The following CPLANE1 variants were observed in gnomAD, a reference collection of about 807,000 sequenced individuals.
CPLANE1 encodes ciliogenesis and planar polarity effector complex subunit 1, also known as ciliogenesis and planar polarity effector 1.
A neutral mutation model predicts 362.5 loss-of-function variants in CPLANE1; 263 were observed. The observed-to-expected ratio is 0.73, with a 90% CI of 0.66 to 0.80. The LOEUF (loss-of-function observed/expected upper bound fraction) is 0.80, where lower values mean the gene tolerates loss of function less well. Ranked by LOEUF, CPLANE1 falls within the 30% of genes least tolerant of loss-of-function variation. The probability of loss-of-function intolerance (pLI) is 0.00; values close to 1 mark genes in which losing one functional copy is unlikely to be tolerated. For synonymous variants in CPLANE1, 1,212 were observed against 1,302.6 expected (o/e 0.93, Z 1.50); for missense variants, 3,461 against 3,793.4 (o/e 0.91, Z 2.30).
the CPLANE1 span, among the ~76,000 whole-genome samples, chr5:37,076,262 AAAAAAG>A: frequency 3.3e-4 from 50 of 152,048 alleles, no homozygotes; most frequent in East Asian, 9.7e-4. Flanking sequence ...TCAAAAAAAA[AAAAAAG>A]AAAAGAAAAG....
intron 15 of CPLANE1, among the ~76,000 whole-genome samples, chr5:37,217,929 G>A (rs1232629327): frequency 5.3e-5 from 8 of 151,924 alleles, no homozygotes; most frequent in African/African-American, 1.5e-4. Context: ...GCAATGAGCC[G>A]AGATCGTGCC....
chr5:37,243,237 T>C (rs917101788), intron 5 of CPLANE1, 118 bp from the exon 6 acceptor site: 1 of 629,522 alleles, frequency 1.6e-6, no homozygotes, highest in Non-Finnish European at 2.5e-6. Context: ...ATCTTGCTTA[T>C]ACTTTTTATC....
At chr5:37,145,333 T>G (rs1168800990) in intron 43 of CPLANE1, among the ~76,000 whole-genome samples, 1 of 151,924 alleles carries the variant, frequency 6.6e-6, no homozygotes, top group African/African-American at 2.4e-5. Flanking sequence ...AAAAACAGTA[T>G]CAGAGAAGAT....
chr5:37,115,321 C>G (rs1481880687), intron 50 of CPLANE1, among the ~76,000 whole-genome samples: 1 of 152,216 alleles, frequency 6.6e-6, no homozygotes, highest in Non-Finnish European at 1.5e-5. Flanking sequence ...GTTTTGACAT[C>G]TCTGGCAACT....
chr5:37,204,968 C>T (rs1383672307), intron 18 of CPLANE1, among the ~76,000 whole-genome samples: 1 of 152,086 alleles, frequency 6.6e-6, no homozygotes, highest in East Asian at 1.9e-4. Flanking sequence ...ACCAGCCTGG[C>T]CAACAAGGTG....
At chr5:37,077,015 T>C in the CPLANE1 span, among the ~76,000 whole-genome samples, 15 of 151,910 alleles carry the variant, frequency 9.9e-5, no homozygotes, top group Non-Finnish European at 2.2e-4. Context: ...TGTTGCAACT[T>C]TGCAATTCTA....
chr5:37,176,664 T>C (rs565064819), intron 30 of CPLANE1, among the ~76,000 whole-genome samples: 117 of 152,286 alleles, frequency 7.7e-4, no homozygotes, highest in African/African-American at 2.3e-3. Context: ...AAATTACTTG[T>C]AAAGGCCCAT....
In CPLANE1 at chr5:37,230,978, G is replaced by C. The variant is rs1011881815; in HGVS notation, c.1010C>G (p.Ser337Cys). 4 of 1,551,314 alleles carry C rather than the reference G, an allele frequency of 2.6e-6. No homozygotes were observed. Among genetic ancestry groups the C allele is most frequent in the East Asian group, 2.4e-5 (1 of 40,880 alleles). ...LFLACMLKRG[S>C]LVLLTCQGEL... Reference sequence around the variant, plus strand: ...ACCTTGGCAGGTCAATAAAACCAGAGAGCCACGTTTTAACATACAAGCCAG... The same window carrying C: ...ACCTTGGCAGGTCAATAAAACCAGACAGCCACGTTTTAACATACAAGCCAG... The change falls in exon 9 of 53, where the codon TCT becomes TGT. Residue 337 changes from serine to cysteine, a missense_variant. Ser to Cys is a moderately radical substitution (Grantham distance 112). Coordinates refer to ENST00000651892, the MANE Select transcript of CPLANE1 (RefSeq NM_001384732.1).
intron 46 of CPLANE1, among the ~76,000 whole-genome samples, chr5:37,126,682 T>G (rs1280507128): frequency 2.0e-5 from 3 of 152,164 alleles, no homozygotes; most frequent in Non-Finnish European, 1.5e-5. Context: ...AGGAGTGGTC[T>G]GAGAAAATGG....
chr5:37,185,142 G>T (rs1169183815), intron 24 of CPLANE1, 63 bp from the exon 25 acceptor site: 2 of 1,469,162 alleles, frequency 1.4e-6, no homozygotes, highest in Non-Finnish European at 1.8e-6. Flanking sequence ...AGACATAGGA[G>T]ACCCAACTCT....
intron 51 of CPLANE1, among the ~76,000 whole-genome samples, chr5:37,113,543 G>A (rs563444678): frequency 1.3e-5 from 2 of 152,128 alleles, no homozygotes; most frequent in South Asian, 2.1e-4. Context: ...TGATCCAAAC[G>A]ACCAGAAGCT....
intron 19 of CPLANE1, among the ~76,000 whole-genome samples, chr5:37,199,193 A>G (rs1419518202): frequency 6.6e-6 from 1 of 151,594 alleles, no homozygotes; most frequent in African/African-American, 2.4e-5. Context: ...ATTCTGAGGC[A>G]CGGGCTCTGA....
In CPLANE1 at chr5:37,167,283, C is replaced by T; in HGVS notation, c.7234-70G>A. The T allele has an allele frequency of 4.1e-6, 5 of 1,213,420 alleles. No homozygotes were observed. In the African/African-American group the frequency reaches 4.6e-5, roughly 11 times the overall value. The allele number at this position is 1,213,420 out of a possible 1,614,324, so 75.2% of individuals were successfully genotyped here. ...AATTATGTAATATTTCAACAAAAGA[C>T]TGAGGAAAAATACATTTGTTTAAAT... On this transcript the variant is annotated intron_variant, in intron 34 of 52. Coordinates refer to ENST00000651892, the MANE Select transcript of CPLANE1 (RefSeq NM_001384732.1).
At chr5:37,160,767 G>A (rs560664519) in intron 38 of CPLANE1, among the ~76,000 whole-genome samples, 2 of 151,130 alleles carry the variant, frequency 1.3e-5, no homozygotes, top group Admixed American at 1.3e-4. Context: ...TGCCTCCCAG[G>A]TTCATGCCAT....
intron 46 of CPLANE1, among the ~76,000 whole-genome samples, chr5:37,126,093 G>A (rs1389520441): frequency 1.3e-5 from 2 of 152,134 alleles, no homozygotes; most frequent in Non-Finnish European, 2.9e-5. Flanking sequence ...AAATTAGCCA[G>A]GTTGAATGGC....
chr5:37,230,257 C>G (rs1204079838), intron 9 of CPLANE1, among the ~76,000 whole-genome samples: 1 of 145,664 alleles, frequency 6.9e-6, no homozygotes. Context: ...CAAAGTCATA[C>G]AACTAATAAG....
rs190630509 is a variant in CPLANE1 at position 37,197,706 on chromosome 5, T to G, written c.3672+996A>C. 2.9e-3 allele frequency among the ~76,000 whole-genome samples: 436 copies of G among 152,350 alleles called. 1 individual carries two copies. The highest frequency in any genetic ancestry group is 5.9e-3 in the Admixed American group (91 of 15,296). On this transcript the variant is annotated intron_variant, in intron 20 of 52. Transcript: ENST00000651892. ...ACTAATATGGCTCAGAATCTTTGTTTCAGCACCATTTTTTAATTGAGCTAT... is the reference window on the plus strand; with the variant it reads ...ACTAATATGGCTCAGAATCTTTGTTGCAGCACCATTTTTTAATTGAGCTAT...
intron 2 of CPLANE1, among the ~76,000 whole-genome samples, chr5:37,247,004 C>T (rs1739903153): frequency 6.6e-6 from 1 of 152,198 alleles, no homozygotes; most frequent in African/African-American, 2.4e-5. Context: ...GTGTTTTAAC[C>T]ACCTCTCCAG....
chr5:37,166,548 T>C (rs1282549983), intron 35 of CPLANE1, among the ~76,000 whole-genome samples: 1 of 152,218 alleles, frequency 6.6e-6, no homozygotes, highest in Non-Finnish European at 1.5e-5. Context: ...ATAGTTATAA[T>C]TGTTATATTT....
Sources: gnomAD v4.1 joint callset for allele counts (sites outside exome capture counted in the v4.1 genomes callset) on GRCh38, gnomAD v4.1.1 for gene constraint, MANE v1.5 for transcripts, NCBI Gene and HGNC (gene_info 2026-07-23, HGNC 2026-07-21) for gene names.